RAPGEF4: variants seen among roughly 807,000 people sequenced by gnomAD.
RAPGEF4 encodes RAP guanine-nucleotide-exchange factor (GEF) 4.
A neutral mutation model predicts 147.9 loss-of-function variants in RAPGEF4; 66 were observed. That is an observed-to-expected ratio of 0.45 (90% CI 0.37 to 0.55). RAPGEF4 has a LOEUF of 0.55. Ranked by LOEUF, RAPGEF4 falls within the 20% of genes least tolerant of loss-of-function variation. The pLI, the probability that RAPGEF4 is intolerant of heterozygous loss-of-function variation, is 0.00. For missense variants in RAPGEF4, 1,071 were observed against 1,257.3 expected, an observed-to-expected ratio of 0.85 and a Z score of 2.24; for synonymous variants, 419 against 442.7, an observed-to-expected ratio of 0.95 and a Z score of 0.67.
At chr2:173,043,885 C>A (rs1685082518) in intron 29 of RAPGEF4, among the ~76,000 whole-genome samples, 1 of 152,222 alleles carries the variant, frequency 6.6e-6, no homozygotes, top group Non-Finnish European at 1.5e-5. Context: ...ACAGTGGTCA[C>A]CCCTTCCTCT....
At chr2:172,977,227 A>G (rs969977777) in intron 10 of RAPGEF4, among the ~76,000 whole-genome samples, 2 of 151,790 alleles carry the variant, frequency 1.3e-5, no homozygotes, top group Non-Finnish European at 2.9e-5. Context: ...AGTCCTTGGG[A>G]CCCTTTCATT....
At chr2:172,844,350 G>A (rs981414057) in intron 4 of RAPGEF4, among the ~76,000 whole-genome samples, 1 of 152,198 alleles carries the variant, frequency 6.6e-6, no homozygotes, top group African/African-American at 2.4e-5. Flanking sequence ...GCTTTCAGGT[G>A]CCACTTGGGA....
At position 172,808,742 on chromosome 2, in the gene RAPGEF4, G is replaced by A. The variant is rs7581501; in HGVS notation, c.298-5537G>A. Reference sequence around the variant, plus strand: ...ACAAATGAAGATACTGAGGCTCTGGGGAGCATTTTGCCCAAAGCCCACAGG... The same window carrying A: ...ACAAATGAAGATACTGAGGCTCTGGAGAGCATTTTGCCCAAAGCCCACAGG... On this transcript the variant is annotated intron_variant, in intron 3 of 30. Coordinates refer to ENST00000397081, the MANE Select transcript of RAPGEF4 (RefSeq NM_007023.4). Among the ~76,000 whole-genome samples, 371 of 152,236 alleles carry A rather than the reference G, an allele frequency of 2.4e-3. 1 individual carries two copies. Among genetic ancestry groups the A allele is most frequent in the African/African-American group, 8.3e-3 (343 of 41,542 alleles).
intron 4 of RAPGEF4, among the ~76,000 whole-genome samples, chr2:172,911,534 C>T (rs1299052475): frequency 6.6e-6 from 1 of 152,054 alleles, no homozygotes; most frequent in Non-Finnish European, 1.5e-5. Context: ...CCTCAGCTCA[C>T]TGTAACCTCC....
intron 6 of RAPGEF4, among the ~76,000 whole-genome samples, chr2:172,954,558 C>T: frequency 6.6e-6 from 1 of 152,122 alleles, no homozygotes; most frequent in East Asian, 1.9e-4. Context: ...AATGGAAAAA[C>T]TTACAGAGTT....
At position 172,917,602 on chromosome 2, in the gene RAPGEF4, A is replaced by C. The variant is rs1215666599; in HGVS notation, c.445-200A>C. 5.9e-6 allele frequency: 4 copies of C among 679,182 alleles called. No individual in the cohort carries two copies. In the Admixed American group the frequency reaches 6.4e-5, roughly 11 times the overall value. 42.1% of individuals were successfully genotyped at this position (679,182 alleles called of 1,614,324 possible). On this transcript the variant is annotated intron_variant, in intron 4 of 30. Transcript: ENST00000397081. ...AGAACCCCTGCCCCCGGGCACATTC[A>C]GTCTTATTCAGGAAGACCTGTTTAG...
chr2:172,773,565 C>T (rs1310986948), intron 1 of RAPGEF4, among the ~76,000 whole-genome samples: 3 of 151,994 alleles, frequency 2.0e-5, no homozygotes. Flanking sequence ...TGTCCTCCTC[C>T]CTCTTCTCAG....
chr2:172,990,941 A>T lies in RAPGEF4; in HGVS notation c.1490+16A>T. ...CTCAGCAAAAGTATGTTTGCATCCAACACTGTAATTGCCAGACTATGATTA... is the reference window on the plus strand; with the variant it reads ...CTCAGCAAAAGTATGTTTGCATCCATCACTGTAATTGCCAGACTATGATTA... On this transcript the variant is annotated intron_variant, in intron 15 of 30. Coordinates refer to ENST00000397081, the MANE Select transcript of RAPGEF4 (RefSeq NM_007023.4). 4 of 1,544,922 alleles carry T rather than the reference A, an allele frequency of 2.6e-6. No homozygotes were observed. Among genetic ancestry groups the T allele is most frequent in the Non-Finnish European group, 3.6e-6 (4 of 1,118,198 alleles).
chr2:172,892,524 A>G (rs1290166747), intron 4 of RAPGEF4, among the ~76,000 whole-genome samples: 3 of 152,144 alleles, frequency 2.0e-5, no homozygotes, highest in Non-Finnish European at 2.9e-5. Flanking sequence ...TAAACTCCAG[A>G]TCGTTGAGAA....
At chr2:173,013,144 C>G (rs11885983) in intron 17 of RAPGEF4, among the ~76,000 whole-genome samples, 84,299 of 152,078 alleles carry the variant, frequency 0.55, 25,054 homozygotes, top group East Asian at 0.89. Context: ...TTACCTTGAT[C>G]ATGATTATTT....
At chr2:172,794,862 A>G (rs1052896278) in intron 1 of RAPGEF4, among the ~76,000 whole-genome samples, 163 bp from the exon 2 acceptor site, 21 of 152,346 alleles carry the variant, frequency 1.4e-4, no homozygotes, top group African/African-American at 4.6e-4. Flanking sequence ...AAATGTCTGT[A>G]TTAGCCCAGA....
At chr2:172,782,412 G>T (rs139865454) in intron 1 of RAPGEF4, among the ~76,000 whole-genome samples, 6 of 152,216 alleles carry the variant, frequency 3.9e-5, no homozygotes, top group Non-Finnish European at 7.4e-5. Context: ...CTTTCTCTTC[G>T]AAGGGTCTCC....
In RAPGEF4 at chr2:172,988,773, C is replaced by T. The variant is rs910237560; in HGVS notation, c.1308C>T (p.Ile436=). The T allele has an allele frequency of 1.4e-5, 22 of 1,612,792 alleles. No individual in the cohort carries two copies. The highest frequency in any genetic ancestry group is 1.9e-5 in the Non-Finnish European group (22 of 1,178,898). ...LVNDAPRAAS[I]VLREDNCHFL... The stretch of plus-strand genomic sequence containing the variant: ...ATGATGCCCCACGAGCTGCCTCTAT[C>T]GTCTTACGAGAAGATAACTGCCATT... Residue 436 remains isoleucine, a synonymous_variant, in exon 14 of 31, where the codon ATC becomes ATT. Coordinates refer to ENST00000397081, the MANE Select transcript of RAPGEF4 (RefSeq NM_007023.4).
At chr2:172,772,873 A>G (rs1444863819) in intron 1 of RAPGEF4, among the ~76,000 whole-genome samples, 2 of 152,174 alleles carry the variant, frequency 1.3e-5, no homozygotes, top group Non-Finnish European at 2.9e-5. Context: ...GTTATGTTCT[A>G]AACCCAGGGT....
chr2:173,005,977 G>A (rs912174273), intron 17 of RAPGEF4, among the ~76,000 whole-genome samples: 3 of 1,982 alleles, frequency 1.5e-3, no homozygotes, highest in Non-Finnish European at 0.012. Context: ...CTTATTACTC[G>A]GTATTCTAGC....
chr2:172,894,327 C>T (rs190181368), intron 4 of RAPGEF4: 4 of 152,338 alleles, frequency 2.6e-5, no homozygotes, highest in African/African-American at 9.6e-5. Context: ...CCTGTAGAAA[C>T]AGTTGTATGC....
intron 3 of RAPGEF4, among the ~76,000 whole-genome samples, chr2:172,805,202 AG>A (rs1399777624): frequency 6.6e-6 from 1 of 152,050 alleles, no homozygotes; most frequent in African/African-American, 2.4e-5. Context: ...AAGAGACTGG[AG>A]GGGAGACAAT....
At chr2:172,794,579 A>G (rs1185619885) in intron 1 of RAPGEF4, among the ~76,000 whole-genome samples, 2 of 151,952 alleles carry the variant, frequency 1.3e-5, no homozygotes, top group South Asian at 2.1e-4. Context: ...GTCACTTCTC[A>G]TTTGTCTTTG....
intron 17 of RAPGEF4, among the ~76,000 whole-genome samples, chr2:173,002,191 GT>G (rs1484327329): frequency 6.6e-6 from 1 of 152,088 alleles, no homozygotes; most frequent in Non-Finnish European, 1.5e-5. Context: ...ATAAATACAA[GT>G]TATCACTGTA....
Sources: allele counts gnomAD v4.1 joint callset (sites outside exome capture counted in the v4.1 genomes callset), GRCh38; gene constraint gnomAD v4.1.1; transcripts MANE v1.5; gene names NCBI Gene and HGNC (gene_info 2026-07-23, HGNC 2026-07-21).